SNX8: variants seen among roughly 807,000 people sequenced by gnomAD.
SNX8 encodes the protein sorting nexin 8.
SNX8 carries 25 observed loss-of-function variants against 51.6 expected under a neutral mutation model. That is an observed-to-expected ratio of 0.48 (90% CI 0.35 to 0.68). The LOEUF is 0.68. Among genes scored for constraint, SNX8 ranks in the 30% least tolerant of loss-of-function variants. SNX8 has a pLI of 0.00. For missense variants in SNX8, 695 were observed against 624.0 expected (o/e 1.11, Z -1.21); for synonymous variants, 324 against 277.0 (o/e 1.17, Z -1.68).
intron 1 of SNX8, among the ~76,000 whole-genome samples, chr7:2,290,139 G>A (rs527947619): frequency 6.6e-5 from 10 of 152,230 alleles, no homozygotes; most frequent in South Asian, 2.1e-4. Context: ...GTTGCAGTGC[G>A]CGGAGATTAC....
intron 10 of SNX8, 31 bp downstream of exon 10, chr7:2,256,843 C>G (rs1304354245): frequency 6.3e-7 from 1 of 1,593,436 alleles, no homozygotes. Flanking sequence ...AGGCCGTGGC[C>G]GAGACGGCGG....
intron 4 of SNX8, among the ~76,000 whole-genome samples, chr7:2,271,242 A>G (rs781224306): frequency 1.3e-4 from 20 of 152,322 alleles, no homozygotes; most frequent in Non-Finnish European, 2.1e-4. Flanking sequence ...AAGTCTCGCT[A>G]TGTTGTCCAG....
intron 5 of SNX8, among the ~76,000 whole-genome samples, chr7:2,265,400 C>A (rs1795441299): frequency 6.6e-6 from 1 of 152,186 alleles, no homozygotes; most frequent in Admixed American, 6.5e-5. Flanking sequence ...CCCCAGCGCT[C>A]TGGGAGACTG....
intron 7 of SNX8, among the ~76,000 whole-genome samples, chr7:2,258,820 A>G (rs762482257): frequency 3.9e-5 from 6 of 152,156 alleles, no homozygotes; most frequent in Admixed American, 2.6e-4. Flanking sequence ...CAGCACAGCC[A>G]CAGAGAGAGC....
intron 1 of SNX8, among the ~76,000 whole-genome samples, chr7:2,329,625 GA>G (rs945894645): frequency 2.6e-5 from 4 of 152,130 alleles, no homozygotes; most frequent in African/African-American, 7.2e-5. Flanking sequence ...ACCCTTCCCA[GA>G]CTGTGTCCAG....
At chr7:2,279,373 T>C (rs1181225545) in intron 1 of SNX8, among the ~76,000 whole-genome samples, 4 of 151,762 alleles carry the variant, frequency 2.6e-5, no homozygotes, top group African/African-American at 7.3e-5. Context: ...TCACTCACAC[T>C]ACACCCACTC....
intron 1 of SNX8, among the ~76,000 whole-genome samples, chr7:2,311,491 G>A (rs1796657078): frequency 6.6e-6 from 1 of 152,120 alleles, no homozygotes; most frequent in Admixed American, 6.6e-5. Flanking sequence ...CCCAAGTGCT[G>A]TGATTTCAGA....
intron 1 of SNX8, chr7:2,309,864 G>A (rs1223233235): frequency 2.1e-5 from 10 of 471,100 alleles, no homozygotes; most frequent in Middle Eastern, 3.3e-4. Context: ...CATGGAAGTC[G>A]CCCAGGCAAG....
chr7:2,282,529 G>A (rs1004700126), intron 1 of SNX8, among the ~76,000 whole-genome samples: 1 of 152,198 alleles, frequency 6.6e-6, no homozygotes, highest in Non-Finnish European at 1.5e-5. Flanking sequence ...CCACAAATCA[G>A]AAGGTAACGA....
At chr7:2,290,758 G>A (rs182292679) in intron 1 of SNX8, among the ~76,000 whole-genome samples, 6 of 152,120 alleles carry the variant, frequency 3.9e-5, no homozygotes, top group African/African-American at 1.4e-4. Context: ...CAAAGAGAAC[G>A]TAGTCAACAG....
chr7:2,349,990 C>T (rs1266735199), intron 1 of SNX8, among the ~76,000 whole-genome samples: 1 of 152,154 alleles, frequency 6.6e-6, no homozygotes, highest in Non-Finnish European at 1.5e-5. Context: ...CACTAGAGAT[C>T]TCACCTGCCT....
chr7:2,269,776 T>C lies in SNX8; in HGVS notation c.541-137A>G, dbSNP rs1195634559. 27 of 532,656 alleles carry C rather than the reference T, an allele frequency of 5.1e-5. 1 individual carries two copies. The East Asian group carries it at 8.2e-4, about 16-fold the overall frequency. 33.0% of individuals were successfully genotyped at this position (532,656 alleles called of 1,614,324 possible). ...TTCCATATGTTGGCTTTGACATTAGTATTCTGCAATCTCTTGACTCTCCCT... is the reference window on the plus strand; with the variant it reads ...TTCCATATGTTGGCTTTGACATTAGCATTCTGCAATCTCTTGACTCTCCCT... On this transcript the variant is annotated intron_variant, in intron 4 of 10. Transcript: ENST00000222990.
intron 1 of SNX8, among the ~76,000 whole-genome samples, chr7:2,334,345 G>C (rs1339247263): frequency 6.6e-6 from 1 of 151,962 alleles, no homozygotes; most frequent in Non-Finnish European, 1.5e-5. Context: ...AGACGTTGCA[G>C]TGAGCTGAGA....
At chr7:2,323,566 T>C (rs1778572904) in intron 1 of SNX8, among the ~76,000 whole-genome samples, 1 of 151,988 alleles carries the variant, frequency 6.6e-6, no homozygotes, top group South Asian at 2.1e-4. Flanking sequence ...ATTTCTGCCA[T>C]GTTAACAGAG....
At chr7:2,302,471 G>A in intron 1 of SNX8, among the ~76,000 whole-genome samples, 1 of 152,328 alleles carries the variant, frequency 6.6e-6, no homozygotes, top group East Asian at 1.9e-4. Context: ...CCTCCCAGCC[G>A]CCTGCCTTGG....
At chr7:2,340,856 CAAAAAAAAAAAAAAAA>C (rs71026503) in intron 1 of SNX8, among the ~76,000 whole-genome samples, 173 of 45,144 alleles carry the variant, frequency 3.8e-3, no homozygotes, top group Middle Eastern at 0.02. Flanking sequence ...GGCTGCTTCT[CAAAAAAAAAAAAAAAA>C]AAAAAAAAAA....
rs111966184 is a variant in SNX8, at chr7:2,309,697, C to G, written c.94+4631G>C. 3.6e-3 allele frequency: 1,563 copies of G among 437,942 alleles called. 16 individuals carry two copies. Among genetic ancestry groups the G allele is most frequent in the African/African-American group, 0.03 (1,454 of 48,316 alleles). 27.1% of individuals were successfully genotyped at this position (437,942 alleles called of 1,614,324 possible). On this transcript the variant is annotated intron_variant, in intron 1 of 10. Transcript: ENST00000222990. ...GGTGAGCCGAGATCGCGCCATCGCA[C>G]TCCAGCCTGGACAACAAGAGCGAGA...
chr7:2,279,242 C>T (rs1426526047), intron 1 of SNX8, among the ~76,000 whole-genome samples: 26 of 120,326 alleles, frequency 2.2e-4, no homozygotes, highest in African/African-American at 6.4e-4. Context: ...GAGTCGACGC[C>T]GGACTCACTC....
At position 2,341,662 on chromosome 7, in the gene SNX8, G is replaced by A. The variant is rs533761707; in HGVS notation, c.-66+12560C>T. Among the ~76,000 whole-genome samples the A allele has an allele frequency of 2.1e-3, 319 of 152,144 alleles. 4 individuals are homozygous for A. The highest frequency in any genetic ancestry group is 7.4e-3 in the African/African-American group (308 of 41,506). Reference sequence around the variant, plus strand: ...ACTCCAACCTGGGTGATAGAGGCAAGAGCCTATCTCAAAAGCAAAAACCAA... The same window carrying A: ...ACTCCAACCTGGGTGATAGAGGCAAAAGCCTATCTCAAAAGCAAAAACCAA... On this transcript the variant is annotated intron_variant, in intron 1 of 5. Transcript: ENST00000435336.
Sources: gnomAD v4.1 joint callset for allele counts (sites outside exome capture counted in the v4.1 genomes callset) on GRCh38, gnomAD v4.1.1 for gene constraint, MANE v1.5 for transcripts, NCBI Gene and HGNC (gene_info 2026-07-23, HGNC 2026-07-21) for gene names.